The following EIF2S2 variants were observed in gnomAD, a reference collection of about 807,000 sequenced individuals.
EIF2S2 encodes the protein eukaryotic translation initiation factor 2 subunit beta.
Under a neutral mutation model 44.0 loss-of-function variants are expected in EIF2S2, and 4 were observed. The observed-to-expected ratio is 0.09, with a 90% CI of 0.04 to 0.21. EIF2S2 has a LOEUF of 0.21. Among genes scored for constraint, EIF2S2 ranks in the 10% least tolerant of loss-of-function variants. The probability of loss-of-function intolerance (pLI) is 1.00; values close to 1 mark genes in which losing one functional copy is unlikely to be tolerated. For missense variants in EIF2S2, 154 were observed against 392.0 expected, an observed-to-expected ratio of 0.39 and a Z score of 5.13; for synonymous variants, 108 against 128.3, an observed-to-expected ratio of 0.84 and a Z score of 1.07.
chr20:34,099,201 C>T (rs1426802837), intron 3 of EIF2S2, among the ~76,000 whole-genome samples: 2 of 151,978 alleles, frequency 1.3e-5, no homozygotes, highest in African/African-American at 4.8e-5. Flanking sequence ...AAACCCCACA[C>T]CTACTAAAGA....
At chr20:34,108,167 G>A (rs767373788) in intron 1 of EIF2S2, 6 of 152,152 alleles carry the variant, frequency 3.9e-5, no homozygotes, top group African/African-American at 1.4e-4. Context: ...CATCAAGACA[G>A]ACTGAAGATG....
At chr20:34,101,206 AG>A (rs2034291294) in intron 3 of EIF2S2, among the ~76,000 whole-genome samples, 1 of 152,228 alleles carries the variant, frequency 6.6e-6, no homozygotes, top group South Asian at 2.1e-4. Context: ...GCACTTTGGG[AG>A]GCCAAGGCAG....
chr20:34,101,978 A>G (rs1486725075), intron 3 of EIF2S2, among the ~76,000 whole-genome samples: 4 of 152,174 alleles, frequency 2.6e-5, no homozygotes, highest in Non-Finnish European at 5.9e-5. Flanking sequence ...TCCAGTCTGC[A>G]AAAAGCATTT....
At chr20:34,111,985 G>A (rs1368101366) in intron 1 of EIF2S2, 111 bp downstream of exon 1, 3 of 1,209,150 alleles carry the variant, frequency 2.5e-6, no homozygotes, top group Non-Finnish European at 3.2e-6. Flanking sequence ...AGGCGCGGCT[G>A]CCTCACATGG....
At chr20:34,090,651 G>A in intron 7 of EIF2S2, 49 bp from the exon 8 acceptor site, 2 of 1,147,330 alleles carry the variant, frequency 1.7e-6, no homozygotes, top group South Asian at 1.5e-5. Context: ...TTTTCCTAAA[G>A]GAACCAAATT....
intron 3 of EIF2S2, 114 bp from the exon 4 acceptor site, chr20:34,098,747 C>CAA: frequency 7.7e-7 from 1 of 1,293,266 alleles, no homozygotes. Context: ...AGGCTAGTCT[C>CAA]AAACTCCTGG....
At chr20:34,101,392 C>T (rs1265431463) in intron 3 of EIF2S2, among the ~76,000 whole-genome samples, 4 of 152,118 alleles carry the variant, frequency 2.6e-5, no homozygotes, top group South Asian at 2.1e-4. Flanking sequence ...ACCGAGATTG[C>T]GCCACTGCAC....
rs1333459305 is a variant in EIF2S2 at position 34,090,366 on chromosome 20, C to T, written c.826+151G>A. On this transcript the variant is annotated intron_variant, in intron 8 of 8. Transcript: ENST00000374980. The stretch of plus-strand genomic sequence containing the variant: ...TCTATCTATACCCCTAGTTAGTAGG[C>T]AAGAGCCACCTCCCTTTCACTATCA... 5.8e-6 allele frequency: 3 copies of T among 517,750 alleles called. No individual in the cohort carries two copies. In the Admixed American group the frequency reaches 1.2e-4, roughly 20 times the overall value. The allele number at this position is 517,750 out of a possible 1,614,324, so 32.1% of individuals were successfully genotyped here.
In EIF2S2 at chr20:34,089,748, G is replaced by C; in HGVS notation, c.984C>G (p.Leu328=). Residue 328 remains leucine (L), a synonymous_variant, in exon 9 of 9, where the codon CTC becomes CTG. Coordinates refer to ENST00000374980, the MANE Select transcript of EIF2S2 (RefSeq NM_003908.5). Reference sequence around the variant, plus strand: ...TAGCAAATTAGTTAGCTTTGGCACGGAGCTGTGCTCGCTTGCCCGTGACAG... The same window carrying C: ...TAGCAAATTAGTTAGCTTTGGCACGCAGCTGTGCTCGCTTGCCCGTGACAG... ...FQAVTGKRAQ[L]RAKAN 1.2e-6 allele frequency: 2 copies of C among 1,611,722 alleles called. No individual in the cohort carries two copies. Among genetic ancestry groups the C allele is most frequent in the Non-Finnish European group, 1.7e-6 (2 of 1,179,548 alleles).
rs781490595 is a variant in EIF2S2 at position 34,112,218 on chromosome 20, C to A, written c.-108G>T. ...ATACCTCTCCCACCACCGCACTAGG[C>A]TCTTGCATCAGCGAAAGGAAACGAC... On this transcript the variant is annotated 5_prime_UTR_variant, in exon 1 of 9. Coordinates refer to ENST00000374980, the MANE Select transcript of EIF2S2 (RefSeq NM_003908.5). 9.7e-6 allele frequency: 12 copies of A among 1,231,840 alleles called. No individual in the cohort carries two copies. Among genetic ancestry groups the A allele is most frequent in the South Asian group, 8.8e-5 (5 of 56,702 alleles). 76.3% of individuals were successfully genotyped at this position (1,231,840 alleles called of 1,614,324 possible).
intron 7 of EIF2S2, among the ~76,000 whole-genome samples, chr20:34,092,549 T>C (rs1568712031): frequency 1.3e-5 from 2 of 152,110 alleles, no homozygotes; most frequent in Admixed American, 6.5e-5. Context: ...GCGCCTGTAG[T>C]CCCAGCTACT....
At chr20:34,092,427 T>C (rs985923462) in intron 7 of EIF2S2, among the ~76,000 whole-genome samples, 2 of 152,208 alleles carry the variant, frequency 1.3e-5, no homozygotes, top group African/African-American at 4.8e-5. Flanking sequence ...TCCCAGCACT[T>C]TGGGAGACCA....
chr20:34,089,110 C>G lies in EIF2S2; in HGVS notation c.*620G>C, dbSNP rs2034130158. 6.5e-6 allele frequency: 1 copy of G among 152,706 alleles called. No homozygotes were observed. Among genetic ancestry groups the G allele is most frequent in the Admixed American group, 6.5e-5 (1 of 15,274 alleles). The allele number at this position is 152,706 out of a possible 1,614,324, so 9.5% of individuals were successfully genotyped here. A position where few individuals can be genotyped will look rare whatever the true frequency, so the allele number is the denominator to read the frequency against. ...CTTGTATTCCCTCATGTGGTAACAG[C>G]TGGGGGAGGACTTGGCGGTGAGGTA... is the stretch of plus-strand genomic sequence containing the variant. On this transcript the variant is annotated 3_prime_UTR_variant, in exon 9 of 9. Transcript: ENST00000374980.
chr20:34,099,249 A>C (rs138432744), intron 3 of EIF2S2, among the ~76,000 whole-genome samples: 1 of 152,076 alleles, frequency 6.6e-6, no homozygotes, highest in South Asian at 2.1e-4. Flanking sequence ...GGCACCTGTA[A>C]TCCCAGCTAC....
chr20:34,108,181 A>AG (rs1444640030), intron 1 of EIF2S2: 1 of 152,210 alleles, frequency 6.6e-6, no homozygotes, highest in Non-Finnish European at 1.5e-5. Context: ...GAAGATGGCA[A>AG]GGATCCTGAT....
At position 34,088,909 on chromosome 20, in the gene EIF2S2, C is replaced by T. The variant is rs1451254353; in HGVS notation, c.*821G>A. 3 of 152,478 alleles carry T rather than the reference C, an allele frequency of 2.0e-5. No homozygotes were observed. Among genetic ancestry groups the T allele is most frequent in the Non-Finnish European group, 4.4e-5 (3 of 68,038 alleles). The allele number at this position is 152,478 out of a possible 1,614,324, so 9.4% of individuals were successfully genotyped here. ...GAAAACGGAAAGCTTCCTCTGGCAT[C>T]CCTGTTTGGACTCCTCCTCCTCTTG... is the stretch of plus-strand genomic sequence containing the variant. On this transcript the variant is annotated 3_prime_UTR_variant, in exon 9 of 9. Transcript: ENST00000374980.
intron 3 of EIF2S2, among the ~76,000 whole-genome samples, chr20:34,098,946 G>C (rs918276122): frequency 5.9e-5 from 9 of 152,228 alleles, no homozygotes; most frequent in Admixed American, 3.9e-4. Context: ...CTGGCTCACA[G>C]AGACTCTGCC....
In EIF2S2 at chr20:34,096,640, T is replaced by G. The variant is rs1187379267; in HGVS notation, c.683+17A>C. The G allele has an allele frequency of 6.3e-7, 1 of 1,575,892 alleles. No individual in the cohort carries two copies. Among genetic ancestry groups the G allele is most frequent in the Non-Finnish European group, 8.6e-7 (1 of 1,165,876 alleles). ...AATCTGGCATTTGGGATGAAGGTAC[T>G]CCATTAACCAACTTACAGTTTACAG... On this transcript the variant is annotated intron_variant, in intron 6 of 8. Transcript: ENST00000374980.
rs571241345 is a variant in EIF2S2 at position 34,105,365 on chromosome 20, C to G, written c.193+3G>C. The stretch of plus-strand genomic sequence containing the variant: ...CAGTAACTCTCTCACATCAACCACG[C>G]ACCTTTTTTCCTAGTGTCCTCTTCA... On this transcript the variant is annotated splice_donor_region_variant and intron_variant, in intron 2 of 8. Transcript: ENST00000374980. 2.3e-5 allele frequency: 37 copies of G among 1,610,634 alleles called. No individual in the cohort carries two copies. The South Asian group carries it at 3.8e-4, about 16-fold the overall frequency.
Sources: gnomAD v4.1 joint callset for allele counts (sites outside exome capture counted in the v4.1 genomes callset) on GRCh38, gnomAD v4.1.1 for gene constraint, MANE v1.5 for transcripts, NCBI Gene and HGNC (gene_info 2026-07-23, HGNC 2026-07-21) for gene names.